The following MERTK variants were observed in gnomAD, a reference collection of about 807,000 sequenced individuals.
MERTK encodes the protein tyrosine-protein kinase Mer.
In MERTK, 69 loss-of-function variants were observed where a neutral mutation model predicts 99.3. The ratio of observed to expected loss-of-function variants is 0.70; its 90% CI spans 0.57 to 0.85. The LOEUF is 0.85. Among genes scored for constraint, MERTK ranks in the 40% least tolerant of loss-of-function variants. The pLI is 0.00. For missense variants in MERTK, 1,125 were observed against 1,249.4 expected (o/e 0.90, Z 1.50); for synonymous variants, 426 against 467.6 (o/e 0.91, Z 1.15).
intron 4 of MERTK, among the ~76,000 whole-genome samples, chr2:111,958,544 C>A (rs1054187615): frequency 1.3e-5 from 2 of 152,170 alleles, no homozygotes; most frequent in Non-Finnish European, 2.9e-5. Context: ...ATCTCTTTGG[C>A]CTATGGGCAC....
intron 1 of MERTK, among the ~76,000 whole-genome samples, chr2:111,913,901 A>G (rs1393672562): frequency 2.0e-5 from 3 of 151,342 alleles, no homozygotes; most frequent in Non-Finnish European, 1.5e-5. Flanking sequence ...CAATCCTTTT[A>G]TTTTCTTCTT....
chr2:111,966,494 G>C (rs1685360718), intron 5 of MERTK, among the ~76,000 whole-genome samples: 1 of 152,154 alleles, frequency 6.6e-6, no homozygotes, highest in East Asian at 1.9e-4. Context: ...GTGTGAGTTT[G>C]TAAAGACATT....
chr2:112,003,853 G>A (rs548316695), intron 12 of MERTK, 51 bp from the exon 13 acceptor site: 2 of 1,457,218 alleles, frequency 1.4e-6, no homozygotes, highest in East Asian at 2.3e-5. Context: ...CATTTCTGTG[G>A]TCAGGGAAGA....
At chr2:111,964,008 T>A (rs1685306562) in intron 4 of MERTK, among the ~76,000 whole-genome samples, 1 of 149,878 alleles carries the variant, frequency 6.7e-6, no homozygotes, top group Admixed American at 6.7e-5. Context: ...CTGGCTCAGG[T>A]AGTTTGTCAG....
intron 15 of MERTK, among the ~76,000 whole-genome samples, chr2:112,014,652 T>C (rs1476108999): frequency 1.3e-5 from 2 of 152,064 alleles, no homozygotes; most frequent in African/African-American, 4.8e-5. Context: ...TTTTTTCTTT[T>C]TGAGACAGAG....
intron 6 of MERTK, among the ~76,000 whole-genome samples, chr2:111,970,100 G>C (rs998425595): frequency 2.6e-5 from 4 of 151,866 alleles, no homozygotes; most frequent in Non-Finnish European, 5.9e-5. Context: ...TCCTCACCAG[G>C]AATGGTCTTT....
intron 2 of MERTK, among the ~76,000 whole-genome samples, chr2:111,943,605 C>T (rs935690188): frequency 6.6e-6 from 1 of 152,154 alleles, no homozygotes; most frequent in Non-Finnish European, 1.5e-5. Context: ...CAGGAGAGAT[C>T]ATTAAGTACC....
At chr2:111,928,216 CTTTTTTTTTTTTTTTTT>C (rs34872417) in intron 1 of MERTK, among the ~76,000 whole-genome samples, 2 of 84,868 alleles carry the variant, frequency 2.4e-5, no homozygotes, top group South Asian at 1.0e-3. Context: ...CCATGAGCAG[CTTTTTTTTTTTTTTTTT>C]TTTTTTTTTT....
intron 1 of MERTK, among the ~76,000 whole-genome samples, chr2:111,925,523 G>A (rs975358108): frequency 4.0e-5 from 6 of 151,098 alleles, no homozygotes; most frequent in African/African-American, 1.2e-4. Context: ...GGCTTGTCTC[G>A]AACTCCTGAC....
chr2:111,932,003 CT>C (rs1684680555), intron 2 of MERTK, among the ~76,000 whole-genome samples: 1 of 152,118 alleles, frequency 6.6e-6, no homozygotes, highest in African/African-American at 2.4e-5. Context: ...GGACCCATCT[CT>C]TTAGAGTACA....
intron 2 of MERTK, among the ~76,000 whole-genome samples, chr2:111,941,487 C>T (rs1483297107): frequency 3.9e-5 from 6 of 152,170 alleles, no homozygotes; most frequent in South Asian, 2.1e-4. Flanking sequence ...CCACTCTCCG[C>T]GTTTCCTCTG....
intron 18 of MERTK, chr2:112,026,248 C>T (rs1677458116): frequency 6.5e-6 from 1 of 153,304 alleles, no homozygotes; most frequent in African/African-American, 2.4e-5. Context: ...TATTTTTATA[C>T]ATTTGATAAG....
In MERTK at chr2:111,968,363, G is replaced by T; in HGVS notation, c.960+111G>T. 9 of 833,694 alleles carry T rather than the reference G, an allele frequency of 1.1e-5. No individual in the cohort carries two copies. In the South Asian group the frequency reaches 1.1e-4, roughly 11 times the overall value. The allele number at this position is 833,694 out of a possible 1,614,324, so 51.6% of individuals were successfully genotyped here. A position where few individuals can be genotyped will look rare whatever the true frequency, so the allele number is the denominator to read the frequency against. On this transcript the variant is annotated intron_variant, in intron 6 of 18. Coordinates refer to ENST00000295408, the MANE Select transcript of MERTK (RefSeq NM_006343.3). ...GAGGGCATTTCTCCATCTCTGTACA[G>T]AGTCCCCTGACCTCCCTGCTTCAGT...
intron 1 of MERTK, among the ~76,000 whole-genome samples, chr2:111,917,883 TAAAAAAA>T (rs11443176): frequency 7.1e-6 from 1 of 141,662 alleles, no homozygotes. Flanking sequence ...GACTCTGTCT[TAAAAAAA>T]AAAAAAAATG....
chr2:111,935,712 G>A (rs982535660), intron 2 of MERTK, among the ~76,000 whole-genome samples: 19 of 150,302 alleles, frequency 1.3e-4, no homozygotes, highest in Admixed American at 8.6e-4. Flanking sequence ...AGTAATGTAT[G>A]TATTTTGTCA....
At chr2:111,966,408 C>G (rs1685358977) in intron 5 of MERTK, among the ~76,000 whole-genome samples, 2 of 152,206 alleles carry the variant, frequency 1.3e-5, no homozygotes, top group South Asian at 4.1e-4. Context: ...AAGTGTATAA[C>G]TTCCTTCCTT....
At chr2:112,011,983 A>C (rs1275724175) in intron 15 of MERTK, among the ~76,000 whole-genome samples, 3 of 152,198 alleles carry the variant, frequency 2.0e-5, no homozygotes, top group African/African-American at 7.2e-5. Context: ...TCAAATGCCC[A>C]GTGGGCCAGG....
chr2:111,980,478 G>A (rs1456689632), intron 7 of MERTK, among the ~76,000 whole-genome samples: 2 of 149,702 alleles, frequency 1.3e-5, no homozygotes, highest in East Asian at 3.9e-4. Flanking sequence ...GACTGCAGTG[G>A]CACAATCTCG....
intron 4 of MERTK, among the ~76,000 whole-genome samples, chr2:111,964,380 T>C (rs1573605050): frequency 1.3e-5 from 1 of 76,428 alleles, no homozygotes; most frequent in African/African-American, 4.2e-5. Context: ...TGTGTGTGTG[T>C]GTGTGTGTGT....
Sources: allele counts gnomAD v4.1 joint callset (sites outside exome capture counted in the v4.1 genomes callset), GRCh38; gene constraint gnomAD v4.1.1; transcripts MANE v1.5; gene names NCBI Gene and HGNC (gene_info 2026-07-23, HGNC 2026-07-21).